The following COL19A1 variants were observed in gnomAD, a reference collection of about 807,000 sequenced individuals.
COL19A1 encodes the protein collagen alpha-1(XIX) chain.
Under a neutral mutation model 190.2 loss-of-function variants are expected in COL19A1, and 159 were observed. That is an observed-to-expected ratio of 0.84 (90% CI 0.73 to 0.95). The LOEUF (loss-of-function observed/expected upper bound fraction) is 0.95. Ranked by LOEUF, COL19A1 falls within the 40% of genes least tolerant of loss-of-function variation. COL19A1 has a pLI of 0.00. For missense variants in COL19A1, 1,418 were observed against 1,431.9 expected (o/e 0.99, Z 0.16); for synonymous variants, 509 against 458.9 (o/e 1.11, Z -1.39).
intron 11 of COL19A1, among the ~76,000 whole-genome samples, chr6:70,004,032 A>G (rs1777454061): frequency 1.3e-5 from 2 of 151,994 alleles, no homozygotes; most frequent in Admixed American, 6.6e-5. Flanking sequence ...TCCATATTCA[A>G]TGCTTCTTTC....
chr6:70,176,574 G>T lies in COL19A1; in HGVS notation c.2667+10G>T. 1 of 1,612,376 alleles carries T rather than the reference G, an allele frequency of 6.2e-7. No homozygotes were observed. Among genetic ancestry groups the T allele is most frequent in the Non-Finnish European group, 8.5e-7 (1 of 1,179,272 alleles). ...AATAGCAGGGATGTCGGTGAGTTCA[G>T]ATTACTTCACATCATTTTCACAGGT... On this transcript the variant is annotated intron_variant, in intron 42 of 50. Transcript: ENST00000620364.
chr6:70,041,249 T>C (rs1779621040), intron 14 of COL19A1, among the ~76,000 whole-genome samples: 1 of 152,218 alleles, frequency 6.6e-6, no homozygotes, highest in African/African-American at 2.4e-5. Flanking sequence ...GATACCAAAT[T>C]CACTAATTAG....
At chr6:70,095,318 C>T (rs75107165) in intron 15 of COL19A1, among the ~76,000 whole-genome samples, 2,006 of 152,070 alleles carry the variant, frequency 0.013, 45 homozygotes, top group African/African-American at 0.046. Context: ...TTTTAAAAAA[C>T]TCATATCCAC....
chr6:69,919,293 T>G (rs1042267387), intron 4 of COL19A1, among the ~76,000 whole-genome samples: 3 of 152,234 alleles, frequency 2.0e-5, no homozygotes, highest in African/African-American at 7.2e-5. Flanking sequence ...TGGGACTATC[T>G]TAATATTAAC....
chr6:70,006,027 A>T (rs951901726), intron 11 of COL19A1, among the ~76,000 whole-genome samples: 2 of 152,140 alleles, frequency 1.3e-5, no homozygotes, highest in African/African-American at 4.8e-5. Flanking sequence ...CAGACTGAAA[A>T]GCCCTTGAAA....
intron 20 of COL19A1, among the ~76,000 whole-genome samples, chr6:70,141,529 A>G (rs1786249331): frequency 6.6e-6 from 1 of 152,090 alleles, no homozygotes; most frequent in Non-Finnish European, 1.5e-5. Flanking sequence ...ATTACCTTAA[A>G]TTCTACTCTC....
At chr6:69,975,306 T>A (rs1027270959) in intron 11 of COL19A1, among the ~76,000 whole-genome samples, 1 of 152,190 alleles carries the variant, frequency 6.6e-6, no homozygotes, top group Non-Finnish European at 1.5e-5. Flanking sequence ...TGCTCAGACA[T>A]GGACAGAATT....
chr6:70,130,373 G>C, intron 18 of COL19A1, 150 bp downstream of exon 18: 1 of 604,152 alleles, frequency 1.7e-6, no homozygotes, highest in Non-Finnish European at 2.9e-6. Context: ...TTACAGGCAT[G>C]TGCCACCTCT....
intron 23 of COL19A1, 64 bp downstream of exon 23, chr6:70,142,884 A>G: frequency 9.0e-6 from 13 of 1,445,060 alleles, no homozygotes; most frequent in Non-Finnish European, 1.3e-5. Flanking sequence ...TTTTAAAAAC[A>G]TCAACATGTG....
rs191425485 is a variant in COL19A1 at position 69,951,421 on chromosome 6, C to T, written c.937-8575C>T. ...AGTTTGATGATTCTATTATTCTAGC[C>T]TTACTGTGGGACCAGATTAGAACTT... On this transcript the variant is annotated intron_variant, in intron 9 of 50. Transcript: ENST00000620364. 9.2e-5 allele frequency among the ~76,000 whole-genome samples: 14 copies of T among 151,966 alleles called. No individual in the cohort carries two copies. The East Asian group carries it at 1.9e-3, about 21-fold the overall frequency.
intron 31 of COL19A1, among the ~76,000 whole-genome samples, chr6:70,154,728 T>A (rs1313549313): frequency 6.6e-6 from 1 of 152,160 alleles, no homozygotes; most frequent in African/African-American, 2.4e-5. Context: ...CAGCCTTCAG[T>A]CTGTGGCCGA....
chr6:69,880,589 A>C (rs1768469795), intron 2 of COL19A1, among the ~76,000 whole-genome samples: 1 of 152,216 alleles, frequency 6.6e-6, no homozygotes, highest in Non-Finnish European at 1.5e-5. Context: ...ATAATTACTC[A>C]TAAAGATCTA....
chr6:70,025,555 G>A (rs1285822163), intron 12 of COL19A1, among the ~76,000 whole-genome samples: 3 of 152,208 alleles, frequency 2.0e-5, no homozygotes, highest in African/African-American at 7.2e-5. Flanking sequence ...TCCTCCTCAG[G>A]ACAAAGGGGA....
intron 41 of COL19A1, among the ~76,000 whole-genome samples, chr6:70,176,293 T>C (rs903098872): frequency 9.2e-5 from 14 of 152,210 alleles, no homozygotes; most frequent in Admixed American, 6.5e-5. Context: ...TATTATTTAC[T>C]TTAGTTTTAT....
rs9454998 is a variant in COL19A1, at chr6:70,193,566, C to T, written c.3094+3185C>T. 8.1e-3 allele frequency among the ~76,000 whole-genome samples: 1,229 copies of T among 152,294 alleles called. 19 individuals carry two copies. The highest frequency in any genetic ancestry group is 0.027 in the African/African-American group (1,136 of 41,548). On this transcript the variant is annotated intron_variant, in intron 48 of 50. Transcript: ENST00000620364. ...GTCCAGGTGAGTGGCTGGACCCCCA[C>T]CAGAGCCAGTACTCCCTCAGAAACC... is the stretch of plus-strand genomic sequence containing the variant.
chr6:69,946,716 C>T (rs1430978035), intron 9 of COL19A1, among the ~76,000 whole-genome samples: 1 of 151,658 alleles, frequency 6.6e-6, no homozygotes, highest in Non-Finnish European at 1.5e-5. Context: ...TTTTAGGGTG[C>T]AGTTGGTAAT....
In COL19A1 at chr6:70,163,342, G is replaced by T. The variant is rs2150261669; in HGVS notation, c.2347-1G>T. On this transcript the variant is annotated splice_acceptor_variant, in intron 35 of 50. Coordinates refer to ENST00000620364, the MANE Select transcript of COL19A1 (RefSeq NM_001858.6). LOFTEE classifies it high-confidence loss of function. ...AACAAACTTAGTTTTGTGTTTTACA[G>T]GGCTTAATGGGAAGAACTGGACATC... is the stretch of plus-strand genomic sequence containing the variant. 1 of 1,611,908 alleles carries T rather than the reference G, an allele frequency of 6.2e-7. No individual in the cohort carries two copies. Among genetic ancestry groups the T allele is most frequent in the East Asian group, 2.2e-5 (1 of 44,524 alleles).
At chr6:69,947,948 T>A (rs1022012764) in intron 9 of COL19A1, among the ~76,000 whole-genome samples, 1 of 151,918 alleles carries the variant, frequency 6.6e-6, no homozygotes, top group African/African-American at 2.4e-5. Flanking sequence ...TCTTCTTGTA[T>A]AAGCTTACTG....
chr6:69,900,457 G>A, intron 4 of COL19A1, 119 bp downstream of exon 4: 1 of 500,858 alleles, frequency 2.0e-6, no homozygotes. Flanking sequence ...TCACTGGAAT[G>A]CAGTGGTAAA....
Sources: allele counts gnomAD v4.1 joint callset (sites outside exome capture counted in the v4.1 genomes callset), GRCh38; gene constraint gnomAD v4.1.1; transcripts MANE v1.5; gene names NCBI Gene and HGNC (gene_info 2026-07-23, HGNC 2026-07-21).